Variants in WDR1 observed in about 807,000 individuals in gnomAD.
The protein encoded by WDR1 is WD repeat domain 1.
Under a neutral mutation model 71.9 loss-of-function variants are expected in WDR1, and 21 were observed. The observed-to-expected ratio is 0.29, with a 90% confidence interval of 0.21 to 0.42. The LOEUF is 0.42. Ranked by LOEUF, WDR1 falls within the 10% of genes least tolerant of loss-of-function variation. The pLI, the probability that WDR1 is intolerant of heterozygous loss-of-function variation, is 1.00. For synonymous variants in WDR1, 424 were observed against 347.4 expected (o/e 1.22, Z -2.45); for missense variants, 696 against 824.5 (o/e 0.84, Z 1.91).
intron 9 of WDR1, among the ~76,000 whole-genome samples, chr4:10,084,171 G>A: frequency 6.6e-6 from 1 of 152,228 alleles, no homozygotes; most frequent in Non-Finnish European, 1.5e-5. Context: ...CACACTCTCA[G>A]GGTTGCACGA....
At chr4:10,099,238 T>C (rs192278307) in intron 3 of WDR1, 99 bp from the exon 4 acceptor site, 25 of 1,002,910 alleles carry the variant, frequency 2.5e-5, no homozygotes, top group Admixed American at 1.1e-4. Flanking sequence ...CACGTGGCCA[T>C]AGGCCCACTC....
At chr4:10,082,987 T>C (rs1472533582) in intron 10 of WDR1, 35 bp downstream of exon 10, 2 of 1,584,256 alleles carry the variant, frequency 1.3e-6, no homozygotes, top group South Asian at 2.3e-5. Context: ...GAGCTGAGGC[T>C]CATCCGGAAC....
intron 5 of WDR1, chr4:10,092,957 G>T (rs1712094586): frequency 2.3e-6 from 2 of 859,320 alleles, no homozygotes; most frequent in East Asian, 6.2e-5. Context: ...CTCCCTTGCA[G>T]CCAACACATA....
chr4:10,097,742 C>A lies in WDR1; in HGVS notation c.527G>T (p.Gly176Val). The change falls in exon 5 of 15, where the codon GGA (glycine) becomes GTA (valine). Residue 176 changes from glycine (G) to valine (V), a missense_variant. Coordinates refer to ENST00000499869, the MANE Select transcript of WDR1 (RefSeq NM_017491.5). ...TGTGAACTTGAACTTGAATGGGGGT[C>A]CCTCAAAGAATGCCGCGCAGTTATC... ...SDDNCAAFFE[G>V]PPFKFKFTIG... 6.2e-7 allele frequency: 1 copy of A among 1,610,234 alleles called. No individual in the cohort carries two copies. The highest frequency in any genetic ancestry group is 8.5e-7 in the Non-Finnish European group (1 of 1,178,100).
intron 11 of WDR1, among the ~76,000 whole-genome samples, 159 bp downstream of exon 11, chr4:10,081,198 T>C (rs543542228): frequency 3.3e-5 from 5 of 152,264 alleles, no homozygotes; most frequent in Admixed American, 3.3e-4. Flanking sequence ...GATGTGATGG[T>C]GGTGAGGATT....
intron 2 of WDR1, among the ~76,000 whole-genome samples, chr4:10,109,429 T>A (rs961023794): frequency 2.6e-5 from 4 of 152,234 alleles, no homozygotes; most frequent in Non-Finnish European, 5.9e-5. Flanking sequence ...TTGGTCTCAA[T>A]GTTAGTGTGA....
chr4:10,076,653 G>T (rs1192112752), intron 14 of WDR1: 1 of 152,310 alleles, frequency 6.6e-6, no homozygotes, highest in African/African-American at 2.4e-5. Context: ...ATGGGCTCTG[G>T]GGGTGGGCTC....
chr4:10,103,289 G>GACACAC (rs5856034), intron 3 of WDR1, among the ~76,000 whole-genome samples: 34 of 147,022 alleles, frequency 2.3e-4, no homozygotes, highest in African/African-American at 5.0e-4. Context: ...CACACACACA[G>GACACAC]ACACACACAC....
chr4:10,081,361 C>G lies in WDR1; in HGVS notation c.1280G>C (p.Gly427Ala). Residue 427 changes from glycine to alanine, a missense_variant, in exon 11 of 15, where the codon GGA (glycine) becomes GCA (alanine). Transcript: ENST00000499869. ...PGGYAVVVCI[G>A]QIVLLKDQRK... ...AACACTAAGCCAGGTCCCTACCTGT[C>G]CAATGCACACGACCACGGCGTATCC... 1 of 1,613,940 alleles carries G rather than the reference C, an allele frequency of 6.2e-7. No individual in the cohort carries two copies. The highest frequency in any genetic ancestry group is 8.5e-7 in the Non-Finnish European group (1 of 1,179,866).
Position 10,103,951 on chromosome 4 carries a change from G to T in WDR1, c.174C>A (p.Ala58=), listed in dbSNP as rs1712863528. 1 of 1,602,890 alleles carries T rather than the reference G, an allele frequency of 6.2e-7. No homozygotes were observed. Among genetic ancestry groups the T allele is most frequent in the African/African-American group, 1.3e-5 (1 of 74,668 alleles). ...CATACTTGGCCACCACCACCTGATGGGCGTGCTCTGTGTAGATGTCAGCAA... is the reference window on the plus strand; with the variant it reads ...CATACTTGGCCACCACCACCTGATGTGCGTGCTCTGTGTAGATGTCAGCAA... ...PALADIYTEH[A]HQVVVAKYAP... is the part of the protein sequence containing the mutation. Residue 58 remains alanine (A), a synonymous_variant, in exon 3 of 15, where the codon GCC becomes GCA. Coordinates refer to ENST00000499869, the MANE Select transcript of WDR1 (RefSeq NM_017491.5).
intron 5 of WDR1, chr4:10,096,341 C>G (rs1712348311): frequency 6.6e-6 from 1 of 152,312 alleles, no homozygotes; most frequent in African/African-American, 2.4e-5. Flanking sequence ...TCTGCAGTGC[C>G]TCCACCCTAG....
At chr4:10,081,482 C>T in intron 10 of WDR1, 38 bp from the exon 11 acceptor site, 1 of 1,594,604 alleles carries the variant, frequency 6.3e-7, no homozygotes, top group East Asian at 2.2e-5. Flanking sequence ...TTCGACAATG[C>T]AGCAGCTCAG....
At position 10,099,125 on chromosome 4, in the gene WDR1, G is replaced by A. The variant is rs1410578495; in HGVS notation, c.244C>T (p.Leu82=). ...TTCTGCGTGGTATCCCAGATCCTCA[G>A]CTTCCCAGACACATCTGTGGGGCAC... ...YIASGDVSGK[L]RIWDTTQKEH... The change falls in exon 4 of 15, where the codon CTG becomes TTG. Residue 82 remains leucine, a synonymous_variant. Coordinates refer to ENST00000499869, the MANE Select transcript of WDR1 (RefSeq NM_017491.5). 1.1e-5 allele frequency: 18 copies of A among 1,581,166 alleles called. No individual in the cohort carries two copies. The Admixed American group carries it at 2.1e-4, about 18-fold the overall frequency.
rs1290550716 is a variant in WDR1, at chr4:10,093,168, C to T, written c.559-4427G>A. 3 of 1,287,800 alleles carry T rather than the reference C, an allele frequency of 2.3e-6. No homozygotes were observed. The African/African-American group carries it at 4.6e-5, about 20-fold the overall frequency. 79.8% of individuals were successfully genotyped at this position (1,287,800 alleles called of 1,614,324 possible). A position where few individuals can be genotyped will look rare whatever the true frequency, so the allele number is the denominator to read the frequency against. On this transcript the variant is annotated intron_variant, in intron 5 of 14. Transcript: ENST00000499869. ...GTCTCCAGCACACACATGCTCACTA[C>T]CTACCTAGTCAGCTCAGGAACCCTC...
Position 10,116,768 on chromosome 4 carries a change from G to A in WDR1, c.-102C>T, listed in dbSNP as rs1713771801. The A allele has an allele frequency of 8.1e-7, 1 of 1,227,680 alleles. No homozygotes were observed. 76.0% of individuals were successfully genotyped at this position (1,227,680 alleles called of 1,614,324 possible). A position where few individuals can be genotyped will look rare whatever the true frequency, so the allele number is the denominator to read the frequency against. Reference sequence around the variant, plus strand: ...AGGCCGAGCCCGGGGACTGGAGCCGGAAGGCGGCACCGGGCGTGCCGGGAG... The same window carrying A: ...AGGCCGAGCCCGGGGACTGGAGCCGAAAGGCGGCACCGGGCGTGCCGGGAG... On this transcript the variant is annotated 5_prime_UTR_variant, in exon 1 of 15. Transcript: ENST00000499869.
chr4:10,089,667 A>G (rs1232125220), intron 5 of WDR1, among the ~76,000 whole-genome samples: 1 of 152,242 alleles, frequency 6.6e-6, no homozygotes, highest in East Asian at 1.9e-4. Flanking sequence ...ATCCAGTGCT[A>G]ACAACTCTCT....
At chr4:10,079,692 C>T (rs116568754) in intron 11 of WDR1, among the ~76,000 whole-genome samples, 8 of 152,346 alleles carry the variant, frequency 5.3e-5, no homozygotes, top group Non-Finnish European at 1.2e-4. Flanking sequence ...TGTGCCCCTA[C>T]CCAAGCCACC....
At chr4:10,086,330 C>T (rs972247043) in intron 8 of WDR1, among the ~76,000 whole-genome samples, 3 of 152,198 alleles carry the variant, frequency 2.0e-5, no homozygotes, top group Admixed American at 6.5e-5. Flanking sequence ...CCTCTATCCT[C>T]GAGGCCACGT....
rs1339976105 is a variant in WDR1 at position 10,116,097 on chromosome 4, G to T, written c.138+16C>A. On this transcript the variant is annotated intron_variant, in intron 2 of 14. Coordinates refer to ENST00000499869, the MANE Select transcript of WDR1 (RefSeq NM_017491.5). ...GGCTCCGGAGCAGAACCGCGCCCGG[G>T]GTAGGGGGTACTCACGTCGATGTTC... is the stretch of plus-strand genomic sequence containing the variant. The T allele has an allele frequency of 6.2e-7, 1 of 1,610,828 alleles. No homozygotes were observed. Among genetic ancestry groups the T allele is most frequent in the East Asian group, 2.2e-5 (1 of 44,476 alleles).
Sources: gnomAD v4.1 joint callset for allele counts (sites outside exome capture counted in the v4.1 genomes callset) on GRCh38, gnomAD v4.1.1 for gene constraint, MANE v1.5 for transcripts, NCBI Gene and HGNC (gene_info 2026-07-23, HGNC 2026-07-21) for gene names.